The following SLC18A1 variants were observed in gnomAD, a reference collection of about 807,000 sequenced individuals.
The protein encoded by SLC18A1 is chromaffin granule amine transporter.
SLC18A1 carries 69 observed loss-of-function variants against 53.7 expected under a neutral mutation model. The ratio of observed to expected loss-of-function variants is 1.28; its 90% CI spans 1.06 to 1.57. The LOEUF is 1.57. SLC18A1 is among the 40% of genes most tolerant of loss of function. The probability of loss-of-function intolerance (pLI) is 0.00; values close to 1 mark genes in which losing one functional copy is unlikely to be tolerated. For missense variants in SLC18A1, 932 were observed against 668.1 expected, an observed-to-expected ratio of 1.40 and a Z score of -4.35; for synonymous variants, 320 against 248.1, an observed-to-expected ratio of 1.29 and a Z score of -2.72.
chr8:20,177,711 G>C (rs1396253685), intron 4 of SLC18A1, among the ~76,000 whole-genome samples: 1 of 152,196 alleles, frequency 6.6e-6, no homozygotes, highest in Non-Finnish European at 1.5e-5. Flanking sequence ...AGGTTCAGCA[G>C]GGCCATCGGG....
chr8:20,169,921 C>T lies in SLC18A1; in HGVS notation c.858+1182G>A, dbSNP rs144246381. ...TGGGTGCCTCACTTTCCTGGAATCTCAAGCTGGATTTACTTGCTGAGTAAT... is the reference window on the plus strand; with the variant it reads ...TGGGTGCCTCACTTTCCTGGAATCTTAAGCTGGATTTACTTGCTGAGTAAT... On this transcript the variant is annotated intron_variant, in intron 8 of 15. Coordinates refer to ENST00000276373, the MANE Select transcript of SLC18A1 (RefSeq NM_003053.4). 2.5e-4 allele frequency among the ~76,000 whole-genome samples: 38 copies of T among 152,292 alleles called. No individual in the cohort carries two copies. In the East Asian group the frequency reaches 6.8e-3, roughly 27 times the overall value.
At chr8:20,180,282 TA>T (rs1554541321) in intron 2 of SLC18A1, among the ~76,000 whole-genome samples, 2 of 152,116 alleles carry the variant, frequency 1.3e-5, no homozygotes, top group Non-Finnish European at 1.5e-5. Flanking sequence ...GATCCTTTTT[TA>T]AAAACATATG....
chr8:20,150,397 C>T (rs1487084763), intron 11 of SLC18A1, among the ~76,000 whole-genome samples: 6 of 152,194 alleles, frequency 3.9e-5, no homozygotes, highest in African/African-American at 1.4e-4. Flanking sequence ...ATCTCCTCAA[C>T]TGGACAGCAA....
chr8:20,153,295 T>G (rs1356572299), intron 10 of SLC18A1, among the ~76,000 whole-genome samples: 1 of 152,054 alleles, frequency 6.6e-6, no homozygotes, highest in Non-Finnish European at 1.5e-5. Flanking sequence ...AGAGTGAAGT[T>G]TTTGGCAAGT....
intron 8 of SLC18A1, among the ~76,000 whole-genome samples, chr8:20,166,714 C>T (rs1354933892): frequency 6.6e-6 from 1 of 151,932 alleles, no homozygotes. Flanking sequence ...ATGGAGTCCC[C>T]CCACCTTAGT....
intron 10 of SLC18A1, among the ~76,000 whole-genome samples, chr8:20,152,543 C>T (rs1245232191): frequency 6.6e-6 from 1 of 151,970 alleles, no homozygotes; most frequent in African/African-American, 2.4e-5. Context: ...CAGGGATAAC[C>T]TAGGTTTTTG....
intron 10 of SLC18A1, among the ~76,000 whole-genome samples, chr8:20,155,330 C>T (rs1011850069): frequency 6.6e-6 from 1 of 152,192 alleles, no homozygotes; most frequent in African/African-American, 2.4e-5. Context: ...GAGCACCTGT[C>T]AGCCAGTTAC....
chr8:20,151,531 G>A (rs1406770985), intron 10 of SLC18A1, among the ~76,000 whole-genome samples: 2 of 152,088 alleles, frequency 1.3e-5, no homozygotes, highest in Non-Finnish European at 2.9e-5. Context: ...ACCTTTCTGA[G>A]CCTTGGTTTC....
chr8:20,147,806 C>T, intron 13 of SLC18A1, 84 bp from the exon 14 acceptor site: 5 of 1,565,926 alleles, frequency 3.2e-6, no homozygotes, highest in Non-Finnish European at 4.3e-6. Context: ...AGTCCATTTG[C>T]TTTGTCTGCT....
chr8:20,150,574 C>T (rs1331856060), intron 11 of SLC18A1, 92 bp downstream of exon 11: 13 of 1,131,322 alleles, frequency 1.1e-5, no homozygotes, highest in Admixed American at 3.4e-5. Flanking sequence ...AACTTTCAAC[C>T]GTATGGAAGC....
At chr8:20,174,574 T>C (rs558678802) in intron 4 of SLC18A1, 130 bp from the exon 5 acceptor site, 3 of 638,896 alleles carry the variant, frequency 4.7e-6, no homozygotes, top group Admixed American at 5.0e-5. Flanking sequence ...GCATGATGAC[T>C]GTTCCCTGTT....
chr8:20,172,648 T>A (rs541231285), intron 6 of SLC18A1, among the ~76,000 whole-genome samples: 1 of 152,276 alleles, frequency 6.6e-6, no homozygotes, highest in South Asian at 2.1e-4. Flanking sequence ...CTTATTTTCA[T>A]CTCTATAATG....
intron 10 of SLC18A1, among the ~76,000 whole-genome samples, chr8:20,155,097 G>T (rs552095294): frequency 2.6e-5 from 4 of 152,270 alleles, no homozygotes; most frequent in South Asian, 4.2e-4. Flanking sequence ...ATGGCCCAAG[G>T]TTCCATTCCT....
chr8:20,163,662 G>T (rs1312371835), intron 10 of SLC18A1, among the ~76,000 whole-genome samples: 2 of 152,106 alleles, frequency 1.3e-5, no homozygotes, highest in Non-Finnish European at 2.9e-5. Flanking sequence ...GACTTACTAG[G>T]GATGAAAACT....
At chr8:20,147,937 G>C (rs2071444393) in intron 13 of SLC18A1, 70 bp downstream of exon 13, 2 of 1,537,466 alleles carry the variant, frequency 1.3e-6, no homozygotes, top group South Asian at 2.3e-5. Context: ...ATGAGAAAAG[G>C]GGGAGGAAAG....
intron 10 of SLC18A1, among the ~76,000 whole-genome samples, chr8:20,161,352 A>G (rs184382761): frequency 6.6e-6 from 1 of 152,000 alleles, no homozygotes; most frequent in East Asian, 1.9e-4. Context: ...ATATATGAGG[A>G]AAAAAAATAA....
intron 10 of SLC18A1, among the ~76,000 whole-genome samples, chr8:20,160,447 T>C (rs1795025329): frequency 6.6e-6 from 1 of 151,892 alleles, no homozygotes. Flanking sequence ...TATGTATTTA[T>C]AGATACATGA....
intron 4 of SLC18A1, among the ~76,000 whole-genome samples, chr8:20,174,658 A>C (rs1181737021): frequency 6.6e-6 from 1 of 152,162 alleles, no homozygotes; most frequent in Non-Finnish European, 1.5e-5. Flanking sequence ...GAAACCACAG[A>C]AGTATAAACC....
At chr8:20,147,833 T>G in intron 13 of SLC18A1, 111 bp from the exon 14 acceptor site, 1 of 1,502,996 alleles carries the variant, frequency 6.7e-7, no homozygotes, top group Non-Finnish European at 9.0e-7. Flanking sequence ...TGCCTCGGAC[T>G]AACACCTGTT....
Sources: gnomAD v4.1 joint callset for allele counts (sites outside exome capture counted in the v4.1 genomes callset) on GRCh38, gnomAD v4.1.1 for gene constraint, MANE v1.5 for transcripts, NCBI Gene and HGNC (gene_info 2026-07-23, HGNC 2026-07-21) for gene names.